PLEKHA7: variants seen among roughly 807,000 people sequenced by gnomAD.
PLEKHA7 encodes the protein pleckstrin homology domain-containing family A member 7.
In PLEKHA7, 104 loss-of-function variants were observed where a neutral mutation model predicts 170.0. That is an observed-to-expected ratio of 0.61 (90% confidence interval 0.52 to 0.72). PLEKHA7 has a LOEUF of 0.72. Ranked by LOEUF, PLEKHA7 falls within the 30% of genes least tolerant of loss-of-function variation. The probability of loss-of-function intolerance (pLI) is 0.00; values close to 1 mark genes in which losing one functional copy is unlikely to be tolerated. For missense variants in PLEKHA7, 1,615 were observed against 1,671.7 expected (o/e 0.97, Z 0.59); for synonymous variants, 648 against 660.8 (o/e 0.98, Z 0.30).
chr11:16,837,365 A>G (rs7946609), intron 9 of PLEKHA7, among the ~76,000 whole-genome samples: 8,173 of 152,230 alleles, frequency 0.054, 716 homozygotes, highest in African/African-American at 0.18. Context: ...TCATTCATCA[A>G]TCATGCATTT....
intron 3 of PLEKHA7, among the ~76,000 whole-genome samples, chr11:16,876,868 C>A (rs56864563): frequency 0.016 from 2,493 of 152,254 alleles, 77 homozygotes; most frequent in African/African-American, 0.058. Context: ...CTTGGCACAG[C>A]AATTTTTTTT....
intron 3 of PLEKHA7, among the ~76,000 whole-genome samples, chr11:16,912,923 C>T (rs936855027): frequency 2.6e-5 from 4 of 152,220 alleles, no homozygotes; most frequent in African/African-American, 4.8e-5. Context: ...GGGCCTCTTG[C>T]TGCCCATGAA....
intron 3 of PLEKHA7, among the ~76,000 whole-genome samples, chr11:16,897,682 G>C (rs1418775306): frequency 1.3e-5 from 2 of 152,174 alleles, no homozygotes; most frequent in Non-Finnish European, 2.9e-5. Context: ...TACTTTCTGA[G>C]AGTTTTCATG....
At chr11:16,917,752 C>T (rs1858798761) in intron 3 of PLEKHA7, among the ~76,000 whole-genome samples, 1 of 152,240 alleles carries the variant, frequency 6.6e-6, no homozygotes, top group Admixed American at 6.5e-5. Context: ...GGTATTAGCA[C>T]ATGGACATCT....
At chr11:16,806,912 C>G (rs545411707) in intron 13 of PLEKHA7, among the ~76,000 whole-genome samples, 2 of 152,358 alleles carry the variant, frequency 1.3e-5, no homozygotes, top group South Asian at 4.1e-4. Flanking sequence ...CAAGCTCCCC[C>G]ACCCTTGGCA....
chr11:16,912,956 T>C (rs942221419), intron 3 of PLEKHA7, among the ~76,000 whole-genome samples: 1 of 152,186 alleles, frequency 6.6e-6, no homozygotes, highest in African/African-American at 2.4e-5. Flanking sequence ...TTCATTTCTC[T>C]TCCAAATTAA....
At chr11:16,982,345 T>C (rs963537097) in intron 3 of PLEKHA7, among the ~76,000 whole-genome samples, 8 of 152,158 alleles carry the variant, frequency 5.3e-5, no homozygotes, top group African/African-American at 1.9e-4. Context: ...CAGGCAAGCT[T>C]GAGGCGAGCC....
At chr11:16,966,080 G>C (rs1189200206) in intron 3 of PLEKHA7, among the ~76,000 whole-genome samples, 1 of 152,178 alleles carries the variant, frequency 6.6e-6, no homozygotes, top group East Asian at 1.9e-4. Context: ...TTACTCGGGA[G>C]GCTGAGGCAG....
At chr11:16,965,199 T>G (rs539924444) in intron 3 of PLEKHA7, among the ~76,000 whole-genome samples, 1 of 151,938 alleles carries the variant, frequency 6.6e-6, no homozygotes, top group Non-Finnish European at 1.5e-5. Context: ...AGCGCGTGCC[T>G]ATAGTCCCAG....
Position 16,816,919 on chromosome 11 carries a change from GGAAGACCC to G in PLEKHA7, c.1739_1746del (p.Arg580ThrfsTer71). 1 of 1,613,962 alleles carries G rather than the reference GGAAGACCC, an allele frequency of 6.2e-7. No homozygotes were observed. The highest frequency in any genetic ancestry group is 8.5e-7 in the Non-Finnish European group (1 of 1,179,920). On this transcript the variant is annotated frameshift_variant, in exon 11 of 27. Transcript: ENST00000531066. LOFTEE classifies it high-confidence loss of function. ...GCTGGTGTGTGTGGCCGCCGGGGTG[GGAAGACCC>G]TTGGGGGTCCTGGGGGAGGGATGTC...
intron 9 of PLEKHA7, 100 bp from the exon 10 acceptor site, chr11:16,826,690 C>T (rs2134965519): frequency 9.3e-7 from 1 of 1,077,696 alleles, no homozygotes; most frequent in South Asian, 1.5e-5. Flanking sequence ...ACAGGCTATT[C>T]CCTCTGCTCA....
chr11:16,812,815 G>A (rs757625218), intron 13 of PLEKHA7, among the ~76,000 whole-genome samples: 4 of 152,184 alleles, frequency 2.6e-5, no homozygotes, highest in Non-Finnish European at 4.4e-5. Flanking sequence ...CCGAAGAAGC[G>A]ACTGGTTGCT....
intron 3 of PLEKHA7, among the ~76,000 whole-genome samples, chr11:16,989,095 G>A (rs1219538913): frequency 2.0e-5 from 3 of 152,240 alleles, no homozygotes; most frequent in Non-Finnish European, 2.9e-5. Context: ...CCCCAGAGCA[G>A]AGCAGCACCA....
chr11:16,989,978 A>G (rs1002107353), intron 3 of PLEKHA7, among the ~76,000 whole-genome samples: 2 of 151,818 alleles, frequency 1.3e-5, no homozygotes, highest in African/African-American at 4.8e-5. Context: ...AAAACCTCCA[A>G]CACTAGAGAG....
In PLEKHA7 at chr11:16,852,321, C is replaced by T; in HGVS notation, c.557G>A (p.Trp186Ter). ...TAAGCAGTAATCAGCAAGCACAAAC[C>T]ACCTCCTTTTCCACAGCCTCATCCC... is the stretch of plus-strand genomic sequence containing the variant. ...SSGMRLWKRR[W>*]FVLADYCLFY... Residue 186 changes from tryptophan (W) to a stop codon, truncating the protein, a stop_gained, in exon 7 of 27, where the codon TGG (tryptophan) becomes TAG (stop). Coordinates refer to ENST00000531066, the MANE Select transcript of PLEKHA7 (RefSeq NM_001329630.2). LOFTEE classifies it high-confidence loss of function. 1 of 1,614,010 alleles carries T rather than the reference C, an allele frequency of 6.2e-7. No individual in the cohort carries two copies. Among genetic ancestry groups the T allele is most frequent in the Non-Finnish European group, 8.5e-7 (1 of 1,179,958 alleles).
intron 3 of PLEKHA7, among the ~76,000 whole-genome samples, chr11:16,966,689 AT>A (rs61247613): frequency 0.089 from 13,070 of 146,370 alleles, 1,075 homozygotes; most frequent in African/African-American, 0.22. Context: ...TTCCATTCGG[AT>A]TTTTTTTTTT....
At chr11:16,958,146 C>A (rs1207238042) in intron 3 of PLEKHA7, among the ~76,000 whole-genome samples, 3 of 151,816 alleles carry the variant, frequency 2.0e-5, no homozygotes, top group African/African-American at 7.3e-5. Context: ...CAAAACCTCA[C>A]CTCTACAAAA....
At chr11:17,014,100 C>G in intron 2 of PLEKHA7, 25 bp downstream of exon 2, 1 of 1,589,720 alleles carries the variant, frequency 6.3e-7, no homozygotes, top group Non-Finnish European at 8.6e-7. Context: ...TGCGCGCGCC[C>G]CCCACCCGCC....
chr11:16,801,957 C>T, intron 15 of PLEKHA7, 140 bp from the exon 16 acceptor site: 1 of 1,025,336 alleles, frequency 9.8e-7, no homozygotes, highest in Non-Finnish European at 1.4e-6. Flanking sequence ...ACAGTCGGGG[C>T]TCTGATGCCA....
Sources: allele counts gnomAD v4.1 joint callset (sites outside exome capture counted in the v4.1 genomes callset), GRCh38; gene constraint gnomAD v4.1.1; transcripts MANE v1.5; gene names NCBI Gene and HGNC (gene_info 2026-07-23, HGNC 2026-07-21).